APBB2: variants seen among roughly 807,000 people sequenced by gnomAD.
The protein encoded by APBB2 is amyloid beta precursor protein binding family B member 2.
In APBB2, 38 loss-of-function variants were observed where a neutral mutation model predicts 82.5. The ratio of observed to expected loss-of-function variants is 0.46; its 90% CI spans 0.36 to 0.60. The LOEUF (loss-of-function observed/expected upper bound fraction) is 0.60, where lower values mean the gene tolerates loss of function less well. Among genes scored for constraint, APBB2 ranks in the 20% least tolerant of loss-of-function variants. APBB2 has a pLI of 0.00. For synonymous variants in APBB2, 341 were observed against 368.2 expected (o/e 0.93, Z 0.85); for missense variants, 772 against 972.3 (o/e 0.79, Z 2.74).
intron 1 of APBB2, among the ~76,000 whole-genome samples, chr4:41,187,254 T>C (rs1773149138): frequency 1.3e-5 from 2 of 152,148 alleles, no homozygotes; most frequent in South Asian, 4.1e-4. Flanking sequence ...GGATTTCAGG[T>C]GATTTTTTAA....
intron 12 of APBB2, among the ~76,000 whole-genome samples, chr4:40,833,401 C>A (rs761146913): frequency 8.5e-5 from 13 of 152,230 alleles, no homozygotes; most frequent in Non-Finnish European, 1.5e-4. Context: ...TCTTCCCTCA[C>A]GTGGTGGCCA....
intron 10 of APBB2, among the ~76,000 whole-genome samples, chr4:40,920,298 T>C (rs1031887409): frequency 1.3e-5 from 2 of 152,194 alleles, no homozygotes; most frequent in Admixed American, 6.5e-5. Flanking sequence ...TCTGCCATCA[T>C]TGTGAGGTCT....
At chr4:40,906,997 C>T (rs1414912152) in intron 10 of APBB2, among the ~76,000 whole-genome samples, 1 of 152,024 alleles carries the variant, frequency 6.6e-6, no homozygotes, top group Non-Finnish European at 1.5e-5. Context: ...CACATATATG[C>T]ATGTCTATAT....
At chr4:41,143,966 G>C (rs986675077) in intron 1 of APBB2, among the ~76,000 whole-genome samples, 2 of 152,352 alleles carry the variant, frequency 1.3e-5, no homozygotes, top group South Asian at 4.1e-4. Context: ...GAAAAACAGT[G>C]TGGAAATAAC....
At chr4:40,975,753 AACACACAC>A (rs368424451) in intron 6 of APBB2, among the ~76,000 whole-genome samples, 6 of 142,094 alleles carry the variant, frequency 4.2e-5, no homozygotes, top group South Asian at 4.7e-4. Context: ...GTAGTAAGAA[AACACACAC>A]ACACACACAC....
chr4:40,892,104 T>C (rs1349653064), intron 11 of APBB2, among the ~76,000 whole-genome samples: 15 of 151,918 alleles, frequency 9.9e-5, no homozygotes, highest in Admixed American at 6.6e-4. Flanking sequence ...GTGCGTGCCA[T>C]CATACCCAGC....
intron 6 of APBB2, among the ~76,000 whole-genome samples, chr4:40,966,581 C>G (rs934199458): frequency 3.3e-5 from 5 of 152,232 alleles, no homozygotes; most frequent in Non-Finnish European, 7.3e-5. Context: ...AGTGCCTGTT[C>G]CTGCTGCCTG....
intron 6 of APBB2, among the ~76,000 whole-genome samples, chr4:41,000,616 T>C (rs1399283441): frequency 1.3e-5 from 2 of 152,158 alleles, no homozygotes; most frequent in Non-Finnish European, 2.9e-5. Context: ...CTGATGGAAA[T>C]ATTGTCCCTC....
intron 1 of APBB2, among the ~76,000 whole-genome samples, chr4:41,206,421 A>T (rs1399617425): frequency 1.3e-5 from 2 of 152,144 alleles, no homozygotes; most frequent in East Asian, 3.8e-4. Flanking sequence ...GGCACAAACT[A>T]TGTACTCAAT....
chr4:41,101,433 C>T (rs1213123402), intron 2 of APBB2, among the ~76,000 whole-genome samples: 6 of 127,372 alleles, frequency 4.7e-5, no homozygotes, highest in Middle Eastern at 5.1e-3. Flanking sequence ...CACTGCAGTC[C>T]GCAGTCCGAC....
chr4:41,010,934 G>A (rs1351507679), intron 6 of APBB2, among the ~76,000 whole-genome samples: 1 of 151,982 alleles, frequency 6.6e-6, no homozygotes, highest in African/African-American at 2.4e-5. Context: ...AGCAGCTTAT[G>A]GGCAATTTTG....
chr4:40,863,979 C>T (rs1763433732), intron 12 of APBB2, among the ~76,000 whole-genome samples: 1 of 149,374 alleles, frequency 6.7e-6, no homozygotes, highest in Non-Finnish European at 1.5e-5. Flanking sequence ...ACCATGTAGG[C>T]TGGGTGCAGT....
At chr4:41,067,572 G>A (rs6851318) in intron 3 of APBB2, among the ~76,000 whole-genome samples, 29,615 of 152,042 alleles carry the variant, frequency 0.19, 3,754 homozygotes, top group East Asian at 0.59. Context: ...AGTGAGTGAC[G>A]TCACTGCAGG....
At chr4:40,915,884 T>C (rs945540255) in intron 10 of APBB2, among the ~76,000 whole-genome samples, 3 of 152,152 alleles carry the variant, frequency 2.0e-5, no homozygotes, top group African/African-American at 7.2e-5. Context: ...CTGAGAGCAT[T>C]AGCCAGAGTT....
intron 3 of APBB2, among the ~76,000 whole-genome samples, chr4:41,100,150 C>G (rs2153967506): frequency 6.6e-6 from 1 of 152,232 alleles, no homozygotes; most frequent in East Asian, 1.9e-4. Flanking sequence ...CAAGACAAAG[C>G]TACATGAAGA....
At chr4:41,195,926 C>A in intron 1 of APBB2, among the ~76,000 whole-genome samples, 1 of 152,156 alleles carries the variant, frequency 6.6e-6, no homozygotes, top group Non-Finnish European at 1.5e-5. Flanking sequence ...TTTGGGAGGC[C>A]AAGGCGGGCA....
chr4:41,200,564 G>A (rs1002789291), intron 1 of APBB2, among the ~76,000 whole-genome samples: 1 of 152,086 alleles, frequency 6.6e-6, no homozygotes, highest in East Asian at 1.9e-4. Flanking sequence ...CTTATCCTCC[G>A]TGATTATCCT....
intron 6 of APBB2, among the ~76,000 whole-genome samples, chr4:40,947,417 A>G (rs1788753467): frequency 6.6e-6 from 1 of 152,252 alleles, no homozygotes; most frequent in Non-Finnish European, 1.5e-5. Context: ...GAATAGCTAC[A>G]TACATTATCA....
intron 5 of APBB2, among the ~76,000 whole-genome samples, chr4:41,031,442 T>A (rs1716762847): frequency 6.6e-6 from 1 of 152,160 alleles, no homozygotes; most frequent in Admixed American, 6.5e-5. Flanking sequence ...GAATACCTCT[T>A]TCCCTGTAGA....
Sources: gnomAD v4.1 joint callset for allele counts (sites outside exome capture counted in the v4.1 genomes callset) on GRCh38, gnomAD v4.1.1 for gene constraint, MANE v1.5 for transcripts, NCBI Gene and HGNC (gene_info 2026-07-23, HGNC 2026-07-21) for gene names.